The following CKB variants were observed in gnomAD, a reference collection of about 807,000 sequenced individuals.
The protein encoded by CKB is creatine kinase B, also known as creatine kinase B-type.
A neutral mutation model predicts 36.9 loss-of-function variants in CKB; 15 were observed. The ratio of observed to expected loss-of-function variants is 0.41; its 90% CI spans 0.27 to 0.63. The LOEUF (loss-of-function observed/expected upper bound fraction) is 0.63, where lower values mean the gene tolerates loss of function less well. Ranked by LOEUF, CKB falls within the 20% of genes least tolerant of loss-of-function variation. The probability of loss-of-function intolerance (pLI) is 0.34; values close to 1 mark genes in which losing one functional copy is unlikely to be tolerated. For synonymous variants in CKB, 250 were observed against 228.2 expected, an observed-to-expected ratio of 1.10 and a Z score of -0.86; for missense variants, 413 against 534.9, an observed-to-expected ratio of 0.77 and a Z score of 2.25.
intron 4 of CKB, 114 bp from the exon 5 acceptor site, chr14:103,521,548 C>A: frequency 8.9e-7 from 1 of 1,117,516 alleles, no homozygotes. Flanking sequence ...CCCCACCCGC[C>A]CGGATCTGCG....
Position 103,520,119 on chromosome 14 carries a change from C to T in CKB, c.967+3G>A. 1 of 1,603,124 alleles carries T rather than the reference C, an allele frequency of 6.2e-7. No homozygotes were observed. The highest frequency in any genetic ancestry group is 8.5e-7 in the Non-Finnish European group (1 of 1,174,064). Reference sequence around the variant, plus strand: ...GGGAAGCCGCAGCACCTGCCCTGCTCACCTGTGCCTCGCTTCTGAAGTCGC... The same window carrying T: ...GGGAAGCCGCAGCACCTGCCCTGCTTACCTGTGCCTCGCTTCTGAAGTCGC... On this transcript the variant is annotated splice_donor_region_variant and intron_variant, in intron 7 of 7. Coordinates refer to ENST00000348956, the MANE Select transcript of CKB (RefSeq NM_001823.5).
In CKB at chr14:103,522,631, C is replaced by T. The variant is rs1566963416; in HGVS notation, c.-12-126G>A. 1 of 510,886 alleles carries T rather than the reference C, an allele frequency of 2.0e-6. No homozygotes were observed. 31.6% of individuals were successfully genotyped at this position (510,886 alleles called of 1,614,324 possible). On this transcript the variant is annotated intron_variant, in intron 1 of 7. Transcript: ENST00000348956. This position sits in a 1 kb window ranked among gnomAD's most constrained non-coding sequence, Gnocchi z 6.7. ...GGACGCGGCCAAGGTCAGCGGGGTCCGCAGCGCGCGCGGGGAGCGCCATCA... is the reference window on the plus strand; with the variant it reads ...GGACGCGGCCAAGGTCAGCGGGGTCTGCAGCGCGCGCGGGGAGCGCCATCA...
intron 5 of CKB, 21 bp from the exon 6 acceptor site, chr14:103,520,613 G>A (rs1366319000): frequency 1.2e-6 from 2 of 1,605,082 alleles, no homozygotes; most frequent in Non-Finnish European, 1.7e-6. Context: ...GCTGGTCTCA[G>A]GGCATACCCA....
chr14:103,521,503 C>T (rs911012665), intron 4 of CKB, 69 bp from the exon 5 acceptor site: 15 of 1,361,620 alleles, frequency 1.1e-5, no homozygotes, highest in South Asian at 8.0e-5. Flanking sequence ...CGGACCCGCC[C>T]GCCCCCGTGC....
chr14:103,520,326 G>A lies in CKB; in HGVS notation c.778-15C>T. ...AGAGTTTCAATCTGCAGACGGAGAA[G>A]AGGGTATGAGGGAGAAGGCCTGCCT... On this transcript the variant is annotated splice_polypyrimidine_tract_variant and intron_variant, in intron 6 of 7. Coordinates refer to ENST00000348956, the MANE Select transcript of CKB (RefSeq NM_001823.5). The A allele has an allele frequency of 6.3e-7, 1 of 1,595,034 alleles. No homozygotes were observed. The highest frequency in any genetic ancestry group is 8.6e-7 in the Non-Finnish European group (1 of 1,167,708).
intron 5 of CKB, 131 bp downstream of exon 5, chr14:103,521,132 G>T: frequency 8.7e-7 from 1 of 1,147,676 alleles, no homozygotes; most frequent in Non-Finnish European, 1.3e-6. Flanking sequence ...GACCCGGAGC[G>T]CGGCCGGCCC....
rs781531300 is a variant in CKB, at chr14:103,522,442, C to G, written c.52G>C (p.Asp18His). 3 of 1,610,014 alleles carry G rather than the reference C, an allele frequency of 1.9e-6. No individual in the cohort carries two copies. In the South Asian group the frequency reaches 3.3e-5, roughly 18 times the overall value. Residue 18 changes from aspartate (D) to histidine (H), a missense_variant, in exon 2 of 8, where the codon GAC (aspartate) becomes CAC (histidine). Physicochemically the swap from Asp to His is moderately conservative, Grantham distance 81 (BLOSUM62 -1). Coordinates refer to ENST00000348956, the MANE Select transcript of CKB (RefSeq NM_001823.5). The surrounding 1 kb of genome is among the most constrained non-coding windows in gnomAD (Gnocchi z 6.7). ...NALKLRFPAE[D>H]EFPDLSAHNN... ...TGGGCGCTCAGGTCGGGGAACTCGT[C>G]CTCGGCCGGGAAGCGCAGCTTCAGT...
chr14:103,522,466 G>C lies in CKB; in HGVS notation c.28C>G (p.Leu10Val). The change falls in exon 2 of 8, where the codon CTG becomes GTG. Residue 10 changes from leucine to valine, a missense_variant. By Grantham distance (32) the Leu-to-Val change is conservative. Coordinates refer to ENST00000348956, the MANE Select transcript of CKB (RefSeq NM_001823.5). This position sits in a 1 kb window ranked among gnomAD's most constrained non-coding sequence, Gnocchi z 6.7. ...TCCTCGGCCGGGAAGCGCAGCTTCA[G>C]TGCGTTGTGGCTGTTGGAGAAGGGC... MPFSNSHNA[L>V]KLRFPAEDEF... The C allele has an allele frequency of 6.2e-7, 1 of 1,608,322 alleles. No homozygotes were observed.
At chr14:103,521,521 C>T in intron 4 of CKB, 87 bp from the exon 5 acceptor site, 2 of 1,268,680 alleles carry the variant, frequency 1.6e-6, no homozygotes, top group Non-Finnish European at 1.0e-6. Context: ...TGCCCCACCT[C>T]GGGGGACGTC....
At position 103,522,193 on chromosome 14, in the gene CKB, C is replaced by A. The variant is rs748549662; in HGVS notation, c.194-16G>T. 6.3e-7 allele frequency: 1 copy of A among 1,594,398 alleles called. No homozygotes were observed. Among genetic ancestry groups the A allele is most frequent in the South Asian group, 1.1e-5 (1 of 89,286 alleles). On this transcript the variant is annotated splice_polypyrimidine_tract_variant and intron_variant, in intron 2 of 7. Transcript: ENST00000348956. This position sits in a 1 kb window ranked among gnomAD's most constrained non-coding sequence, Gnocchi z 6.7. ...TACGGGTGGCCTGGGGGAGGGGGCGCGGGACGGGGACAGTGACGTCACTGC... is the reference window on the plus strand; with the variant it reads ...TACGGGTGGCCTGGGGGAGGGGGCGAGGGACGGGGACAGTGACGTCACTGC...
In CKB at chr14:103,521,728, C is replaced by A. The variant is rs375645493; in HGVS notation, c.481+90G>T. The A allele has an allele frequency of 8.5e-3, 10,885 of 1,277,530 alleles. 85 individuals carry two copies. The highest frequency in any genetic ancestry group is 0.044 in the Admixed American group (1,055 of 23,754). The allele number at this position is 1,277,530 out of a possible 1,614,324, so 79.1% of individuals were successfully genotyped here. ...CAGATAAGAGCGCGACGGCGGCTGC[C>A]GCTCCCGGGCGACGTAAACAAAAGC... On this transcript the variant is annotated intron_variant, in intron 4 of 7. Coordinates refer to ENST00000348956, the MANE Select transcript of CKB (RefSeq NM_001823.5).
chr14:103,521,072 C>A (rs1312842069), intron 5 of CKB, 191 bp downstream of exon 5: 3 of 763,150 alleles, frequency 3.9e-6, no homozygotes, highest in Non-Finnish European at 6.8e-6. Context: ...CCTTAACGCA[C>A]CTGCTCGGCC....
At chr14:103,520,929 TGA>T in intron 5 of CKB, 5 of 495,882 alleles carry the variant, frequency 1.0e-5, no homozygotes, top group Non-Finnish European at 1.8e-5. Context: ...GGCGGAGGAG[TGA>T]GAAAAGAAAA....
At chr14:103,521,225 A>T in intron 5 of CKB, 38 bp downstream of exon 5, 1 of 1,545,296 alleles carries the variant, frequency 6.5e-7, no homozygotes, top group Non-Finnish European at 8.7e-7. Context: ...GGTAGCGGGG[A>T]GGGAGGACGC....
Position 103,522,798 on chromosome 14 carries a change from C to T in CKB, c.-45G>A, listed in dbSNP as rs568865560. On this transcript the variant is annotated 5_prime_UTR_variant, in exon 1 of 8. Coordinates refer to ENST00000348956, the MANE Select transcript of CKB (RefSeq NM_001823.5). This position sits in a 1 kb window ranked among gnomAD's most constrained non-coding sequence, Gnocchi z 6.7. ...CCGGGCGGGGGCGGGGGCGCTCCGTCCGTCGGCAGCTCCCGGAGCGACGCA... is the reference window on the plus strand; with the variant it reads ...CCGGGCGGGGGCGGGGGCGCTCCGTTCGTCGGCAGCTCCCGGAGCGACGCA... The T allele has an allele frequency of 2.0e-5, 3 of 150,988 alleles. No homozygotes were observed. The South Asian group carries it at 6.2e-4, about 31-fold the overall frequency. The allele number at this position is 150,988 out of a possible 1,614,324, so 9.4% of individuals were successfully genotyped here.
In CKB at chr14:103,522,146, C is replaced by T. The variant is rs1287648394; in HGVS notation, c.225G>A (p.Val75=). 7 of 1,603,346 alleles carry T rather than the reference C, an allele frequency of 4.4e-6. No individual in the cohort carries two copies. Among genetic ancestry groups the T allele is most frequent in the Non-Finnish European group, 5.1e-6 (6 of 1,175,708 alleles). ...GHPYIMTVGC[V]AGDEESYEVF... is the part of the protein sequence containing the mutation. ...CTTCGTAGGACTCCTCGTCGCCCGC[C>T]ACGCAGCCCACGGTCATGATGTACG... The change falls in exon 3 of 8, where the codon GTG becomes GTA. Residue 75 remains valine, a synonymous_variant. Coordinates refer to ENST00000348956, the MANE Select transcript of CKB (RefSeq NM_001823.5). The surrounding 1 kb of genome is among the most constrained non-coding windows in gnomAD (Gnocchi z 6.7).
rs779326774 is a variant in CKB, at chr14:103,522,269, G to C, written c.193+32C>G. On this transcript the variant is annotated intron_variant, in intron 2 of 7. Transcript: ENST00000348956. This position sits in a 1 kb window ranked among gnomAD's most constrained non-coding sequence, Gnocchi z 6.7. ...CCTGCGGCTGCGCGGGGGGAGGGGG[G>C]GCCGGGACCCCGGCCCCGAGGGGTC... 5 of 1,574,232 alleles carry C rather than the reference G, an allele frequency of 3.2e-6. No homozygotes were observed. The Middle Eastern group carries it at 5.4e-4, about 171-fold the overall frequency.
Position 103,521,452 on chromosome 14 carries a change from A to C in CKB, c.482-18T>G. 1 of 1,534,928 alleles carries C rather than the reference A, an allele frequency of 6.5e-7. No homozygotes were observed. The highest frequency in any genetic ancestry group is 8.7e-7 in the Non-Finnish European group (1 of 1,150,046). ...GGACAGGGCTGCGAGGGGTGCGCTC[A>C]GGACGCTCGGCTCCCGCGCCCGCCC... On this transcript the variant is annotated intron_variant, in intron 4 of 7. Transcript: ENST00000348956.
intron 5 of CKB, 114 bp downstream of exon 5, chr14:103,521,149 C>T (rs1329741455): frequency 1.6e-6 from 2 of 1,256,926 alleles, no homozygotes; most frequent in Admixed American, 2.1e-5. Flanking sequence ...GCCCCTCCCT[C>T]CTCCTCCTCC....
Sources: gnomAD v4.1 joint callset for allele counts on GRCh38, gnomAD v4.1.1 for gene constraint, Gnocchi (gnomAD v3.1) non-coding constraint, MANE v1.5 for transcripts, NCBI Gene and HGNC (gene_info 2026-07-23, HGNC 2026-07-21) for gene names.